Variants in DIXDC1 observed in about 807,000 individuals in gnomAD.
DIXDC1 encodes the protein DIX domain containing 1, also known as dixin.
In DIXDC1, 64 loss-of-function variants were observed where a neutral mutation model predicts 103.1. The observed-to-expected ratio is 0.62, with a 90% CI of 0.51 to 0.76. The LOEUF (loss-of-function observed/expected upper bound fraction) is 0.76. Among genes scored for constraint, DIXDC1 ranks in the 30% least tolerant of loss-of-function variants. DIXDC1 has a pLI of 0.00. For missense variants in DIXDC1, 759 were observed against 834.2 expected (o/e 0.91, Z 1.11); for synonymous variants, 266 against 298.5 (o/e 0.89, Z 1.12).
At chr11:111,982,528 G>C in intron 7 of DIXDC1, 41 bp downstream of exon 7, 1 of 1,595,602 alleles carries the variant, frequency 6.3e-7, no homozygotes, top group South Asian at 1.1e-5. Context: ...TATACCAATT[G>C]ATTATTAAGT....
rs782749191 is a variant in DIXDC1, at chr11:111,937,454, G to C, written c.-46G>C. On this transcript the variant is annotated 5_prime_UTR_variant, in exon 1 of 20. Coordinates refer to ENST00000440460, the MANE Select transcript of DIXDC1 (RefSeq NM_001037954.4). ...AGAGGGAGGAGGAGGAGGCGGCGGCGGCCGCCGGGCTGGAGACCCCGCCCG... is the reference window on the plus strand; with the variant it reads ...AGAGGGAGGAGGAGGAGGCGGCGGCCGCCGCCGGGCTGGAGACCCCGCCCG... 1.9e-6 allele frequency: 3 copies of C among 1,552,706 alleles called. No homozygotes were observed. Among genetic ancestry groups the C allele is most frequent in the South Asian group, 1.2e-5 (1 of 84,000 alleles).
chr11:112,000,703 A>G (rs1861038852), intron 17 of DIXDC1, among the ~76,000 whole-genome samples: 1 of 152,126 alleles, frequency 6.6e-6, no homozygotes, highest in South Asian at 2.1e-4. Flanking sequence ...CTAAAAAAAA[A>G]AAAAAGGGCC....
chr11:112,008,719 CGAAAT>C (rs1485176892), intron 17 of DIXDC1, among the ~76,000 whole-genome samples: 19 of 152,052 alleles, frequency 1.2e-4, no homozygotes, highest in Admixed American at 2.0e-4. Flanking sequence ...GGCTAAATAA[CGAAAT>C]GAAGGGAGAA....
intron 17 of DIXDC1, among the ~76,000 whole-genome samples, chr11:112,004,968 A>G (rs587651149): frequency 7.2e-5 from 11 of 152,090 alleles, no homozygotes; most frequent in Non-Finnish European, 1.5e-4. Context: ...ATAAGAAATT[A>G]TGAGGCATCC....
chr11:111,964,023 T>G (rs587728647), intron 1 of DIXDC1, among the ~76,000 whole-genome samples: 1 of 152,234 alleles, frequency 6.6e-6, no homozygotes, highest in African/African-American at 2.4e-5. Context: ...TGATTTCACT[T>G]AAGTCTCATT....
rs1409972757 is a variant in DIXDC1, at chr11:111,937,472, C to T, written c.-28C>T. On this transcript the variant is annotated 5_prime_UTR_variant, in exon 1 of 20. Transcript: ENST00000440460. ...CGGCGGCGGCCGCCGGGCTGGAGAC[C>T]CCGCCCGGGGAGCCCCCAGCAGGAA... 1.9e-6 allele frequency: 3 copies of T among 1,565,142 alleles called. No individual in the cohort carries two copies. The highest frequency in any genetic ancestry group is 2.4e-5 in the East Asian group (1 of 41,852).
intron 3 of DIXDC1, among the ~76,000 whole-genome samples, chr11:111,972,217 C>T (rs1269790394): frequency 1.3e-5 from 2 of 152,148 alleles, no homozygotes; most frequent in Non-Finnish European, 2.9e-5. Context: ...TAAAAATTTA[C>T]CCATTTCGTT....
chr11:112,003,905 T>TAACACAG (rs1245831009), intron 17 of DIXDC1, among the ~76,000 whole-genome samples: 1 of 151,390 alleles, frequency 6.6e-6, no homozygotes, highest in Non-Finnish European at 1.5e-5. Flanking sequence ...GAGCCAGGCA[T>TAACACAG]GGTGGGCTTA....
intron 17 of DIXDC1, among the ~76,000 whole-genome samples, chr11:112,014,156 C>CA (rs1257972109): frequency 1.3e-5 from 2 of 152,180 alleles, no homozygotes. Context: ...TGTTGGGGGA[C>CA]AAACACCCAA....
chr11:112,018,205 C>A (rs1861655780), intron 19 of DIXDC1, among the ~76,000 whole-genome samples: 1 of 152,176 alleles, frequency 6.6e-6, no homozygotes, highest in African/African-American at 2.4e-5. Context: ...TCTTAGAAAA[C>A]TTCTTGCTTC....
At chr11:111,979,457 C>T (rs1244863177) in intron 5 of DIXDC1, among the ~76,000 whole-genome samples, 3 of 152,196 alleles carry the variant, frequency 2.0e-5, no homozygotes, top group Admixed American at 6.5e-5. Context: ...GGGCTGGGCC[C>T]GGAGACCCCT....
chr11:111,955,339 CAA>C (rs869169346), intron 1 of DIXDC1, among the ~76,000 whole-genome samples: 2,172 of 49,746 alleles, frequency 0.044, 45 homozygotes, highest in African/African-American at 0.12. Flanking sequence ...GAGACCCTGT[CAA>C]AAAAAAAAAA....
intron 1 of DIXDC1, among the ~76,000 whole-genome samples, chr11:111,941,872 A>ACACACACC (rs1169037989): frequency 1.4e-4 from 21 of 150,932 alleles, no homozygotes; most frequent in African/African-American, 4.4e-4. Flanking sequence ...ACACACACAC[A>ACACACACC]CCCACGAAGA....
rs1555172356 is a variant in DIXDC1 at position 111,974,162 on chromosome 11, C to T, written c.456C>T (p.Ala152=). 2 of 1,614,032 alleles carry T rather than the reference C, an allele frequency of 1.2e-6. No individual in the cohort carries two copies. Among genetic ancestry groups the T allele is most frequent in the East Asian group, 2.2e-5 (1 of 44,888 alleles). Reference sequence around the variant, plus strand: ...TGCAAAGTCACCGACCACACTGTGCCACTGCTGTTGCCCAGGGAGCAGCTG... The same window carrying T: ...TGCAAAGTCACCGACCACACTGTGCTACTGCTGTTGCCCAGGGAGCAGCTG... ...APLQSHRPHC[A]TAVAQGAAAA... is the part of the protein sequence containing the mutation. Residue 152 remains alanine, a synonymous_variant, in exon 4 of 20, where the codon GCC becomes GCT. Coordinates refer to ENST00000440460, the MANE Select transcript of DIXDC1 (RefSeq NM_001037954.4).
Position 111,958,199 on chromosome 11 carries a change from G to C in DIXDC1, c.61-6350G>C, listed in dbSNP as rs962137488. On this transcript the variant is annotated intron_variant, in intron 1 of 19. Coordinates refer to ENST00000440460, the MANE Select transcript of DIXDC1 (RefSeq NM_001037954.4). The surrounding 1 kb of genome is among the most constrained non-coding windows in gnomAD (Gnocchi z 4.2). ...AAGCAGGTAGGAGTCCCGGCCTCCC[G>C]GGCACAGCTGCAGCCACCCAAACCA... 6.6e-6 allele frequency among the ~76,000 whole-genome samples: 1 copy of C among 151,454 alleles called. No homozygotes were observed. Among genetic ancestry groups the C allele is most frequent in the Admixed American group, 6.6e-5 (1 of 15,240 alleles).
intron 17 of DIXDC1, among the ~76,000 whole-genome samples, chr11:112,006,849 G>A (rs1032949737): frequency 2.6e-5 from 4 of 152,200 alleles, no homozygotes; most frequent in Non-Finnish European, 5.9e-5. Flanking sequence ...CAAAGATGGG[G>A]AGAAACCAGA....
upstream of DIXDC1, among the ~76,000 whole-genome samples, chr11:111,935,142 A>G (rs1966152729): frequency 6.6e-6 from 1 of 152,188 alleles, no homozygotes; most frequent in African/African-American, 2.4e-5. Flanking sequence ...TCAATTCACT[A>G]CAATTCTCTC....
At chr11:111,937,088 T>G, upstream of DIXDC1, 13 of 324,612 alleles carry the variant, frequency 4.0e-5, no homozygotes, top group Non-Finnish European at 4.7e-5. Flanking sequence ...TGTGAGTGTG[T>G]GTGTGTGTAG....
rs782507381 is a variant in DIXDC1, at chr11:112,016,759, C to A, written c.1825C>A (p.Arg609=). ...TACTAAAGTGCTCTATTTCACTGAC[C>A]GGTCACTTACGCCCTTCATGGTCAA... ...TCTKVLYFTD[R]SLTPFMVNIP... is the part of the protein sequence containing the mutation. The change falls in exon 18 of 20, where the codon CGG becomes AGG. Residue 609 remains arginine (R), a synonymous_variant. Transcript: ENST00000440460. 5.0e-6 allele frequency: 8 copies of A among 1,608,784 alleles called. No homozygotes were observed. In the Admixed American group the frequency reaches 1.3e-4, roughly 27 times the overall value.
Sources: allele counts gnomAD v4.1 joint callset (sites outside exome capture counted in the v4.1 genomes callset), GRCh38; gene constraint gnomAD v4.1.1; non-coding constraint Gnocchi (gnomAD v3.1); transcripts MANE v1.5; gene names NCBI Gene and HGNC (gene_info 2026-07-23, HGNC 2026-07-21).